The following METTL15 variants were observed in gnomAD, a reference collection of about 807,000 sequenced individuals.
The protein encoded by METTL15 is 12S rRNA N(4)-cytidine methyltransferase METTL15.
A neutral mutation model predicts 38.3 loss-of-function variants in METTL15; 34 were observed. The ratio of observed to expected loss-of-function variants is 0.89; its 90% CI spans 0.68 to 1.18. METTL15 has a LOEUF of 1.18. METTL15 is among the 50% of genes most tolerant of loss of function. METTL15 has a pLI of 0.00. For missense variants in METTL15, 438 were observed against 498.4 expected (o/e 0.88, Z 1.15); for synonymous variants, 162 against 170.9 (o/e 0.95, Z 0.41).
chr11:28,505,656 A>T (rs974461395), intron 6 of METTL15, among the ~76,000 whole-genome samples: 1 of 152,218 alleles, frequency 6.6e-6, no homozygotes, highest in Admixed American at 6.5e-5. Flanking sequence ...AATAAACTTG[A>T]TGAGGGTAGC....
At chr11:28,311,141 C>T (rs1247153983) in intron 6 of METTL15, among the ~76,000 whole-genome samples, 1 of 152,062 alleles carries the variant, frequency 6.6e-6, no homozygotes, top group Non-Finnish European at 1.5e-5. Flanking sequence ...AGGCTTTATA[C>T]AGTCAGAAAG....
intron 4 of METTL15, among the ~76,000 whole-genome samples, chr11:28,269,288 C>T (rs1202458440): frequency 4.0e-5 from 6 of 151,822 alleles, no homozygotes; most frequent in African/African-American, 1.5e-4. Context: ...GATTTCTCTC[C>T]CTCTTAGAAC....
At position 28,443,017 on chromosome 11, in the gene METTL15, T is replaced by G. The variant is rs998567422; in HGVS notation, c.*424+18653T>G. 2.0e-4 allele frequency among the ~76,000 whole-genome samples: 31 copies of G among 152,168 alleles called. 1 individual carries two copies. The highest frequency in any genetic ancestry group is 7.2e-4 in the African/African-American group (30 of 41,416). On this transcript the variant is annotated intron_variant and NMD_transcript_variant, in intron 6 of 7. Transcript: ENST00000532947. ...GATCTTAAGTGTAAAGTTTGATAAG[T>G]TTCTAAAAGTGTTCACAACTGTGTT...
intron 6 of METTL15, among the ~76,000 whole-genome samples, chr11:28,462,898 G>T (rs1267207922): frequency 6.6e-6 from 1 of 152,120 alleles, no homozygotes; most frequent in East Asian, 1.9e-4. Context: ...GAAGGGTTCT[G>T]TATGTAAGCT....
intron 5 of METTL15, among the ~76,000 whole-genome samples, chr11:28,379,610 CT>C (rs1850359758): frequency 6.6e-6 from 1 of 152,006 alleles, no homozygotes; most frequent in South Asian, 2.1e-4. Flanking sequence ...CTTCTTTGAA[CT>C]TGTTTTGAGG....
At chr11:28,452,073 G>A (rs1851127869) in intron 6 of METTL15, among the ~76,000 whole-genome samples, 1 of 152,174 alleles carries the variant, frequency 6.6e-6, no homozygotes, top group Admixed American at 6.5e-5. Flanking sequence ...GAAGTGTTTT[G>A]GGGGACCCTG....
chr11:28,271,567 T>G (rs1049263897), intron 4 of METTL15, among the ~76,000 whole-genome samples: 2 of 152,134 alleles, frequency 1.3e-5, no homozygotes, highest in African/African-American at 4.8e-5. Context: ...TCTTTTTATT[T>G]CCCACTGTCT....
At chr11:28,248,029 A>G (rs1854583246) in intron 4 of METTL15, among the ~76,000 whole-genome samples, 1 of 152,134 alleles carries the variant, frequency 6.6e-6, no homozygotes, top group African/African-American at 2.4e-5. Flanking sequence ...AGATAGCAAT[A>G]AGAGTATTTG....
chr11:28,377,134 T>C (rs2133381020), intron 5 of METTL15, among the ~76,000 whole-genome samples: 1 of 145,208 alleles, frequency 6.9e-6, no homozygotes, highest in South Asian at 2.3e-4. Flanking sequence ...GACAATTATG[T>C]TTCTTGGAGT....
At chr11:28,304,028 A>G (rs1449784011) in intron 6 of METTL15, among the ~76,000 whole-genome samples, 1 of 152,158 alleles carries the variant, frequency 6.6e-6, no homozygotes, top group Non-Finnish European at 1.5e-5. Context: ...AATAAATGAC[A>G]TTTATTATCT....
chr11:28,349,892 T>C (rs967521839), intron 3 of METTL15, among the ~76,000 whole-genome samples: 1 of 152,190 alleles, frequency 6.6e-6, no homozygotes, highest in African/African-American at 2.4e-5. Flanking sequence ...TTAACAATGA[T>C]GTAAGGAGTA....
chr11:28,427,282 C>G (rs1213987265), intron 6 of METTL15, among the ~76,000 whole-genome samples: 1 of 151,968 alleles, frequency 6.6e-6, no homozygotes, highest in East Asian at 1.9e-4. Context: ...TATTCTGTTC[C>G]CTTGGTCTAT....
Position 28,245,041 on chromosome 11 carries a change from A to C in METTL15, c.407+33843A>C, listed in dbSNP as rs1854452948. Among the ~76,000 whole-genome samples, 4 of 152,232 alleles carry C rather than the reference A, an allele frequency of 2.6e-5. No individual in the cohort carries two copies. The South Asian group carries it at 8.3e-4, about 31-fold the overall frequency. On this transcript the variant is annotated intron_variant, in intron 4 of 6. Coordinates refer to ENST00000407364, the MANE Select transcript of METTL15 (RefSeq NM_001113528.2). ...TGAAGATAGGCAGGTCTAGGACCTG[A>C]ACTGATGTTCAGCTAGACAGGCAAT...
At chr11:28,464,702 C>T (rs1851242771) in intron 6 of METTL15, among the ~76,000 whole-genome samples, 1 of 152,180 alleles carries the variant, frequency 6.6e-6, no homozygotes, top group South Asian at 2.1e-4. Context: ...TATCTACATT[C>T]TATGCTTCTA....
intron 6 of METTL15, among the ~76,000 whole-genome samples, chr11:28,443,074 C>T (rs1480426866): frequency 6.6e-6 from 1 of 152,142 alleles, no homozygotes; most frequent in Non-Finnish European, 1.5e-5. Context: ...TAGAACATTG[C>T]CATCACCCTG....
At chr11:28,348,680 TTATG>T (rs55889001) in intron 3 of METTL15, among the ~76,000 whole-genome samples, 72,445 of 145,736 alleles carry the variant, frequency 0.5, 19,373 homozygotes, top group Non-Finnish European at 0.6. Context: ...GTCTATCCAT[TTATG>T]TATGTATGTA....
At position 28,455,170 on chromosome 11, in the gene METTL15, C is replaced by G. The variant is rs145804362; in HGVS notation, c.*424+30806C>G. On this transcript the variant is annotated intron_variant and NMD_transcript_variant, in intron 6 of 7. Transcript: ENST00000532947. ...ACAAGAGTACTGGCAAGGTAATGGA[C>G]TCAACTGACTGTATATATAACTCAA... Among the ~76,000 whole-genome samples, 20 of 147,302 alleles carry G rather than the reference C, an allele frequency of 1.4e-4. 1 individual carries two copies. The highest frequency in any genetic ancestry group is 5.0e-4 in the African/African-American group (20 of 40,302).
At chr11:28,373,675 T>C (rs900761511) in intron 5 of METTL15, among the ~76,000 whole-genome samples, 1 of 152,192 alleles carries the variant, frequency 6.6e-6, no homozygotes, top group African/African-American at 2.4e-5. Context: ...TTGAATTAAA[T>C]CCCATTTGTC....
At chr11:28,389,756 A>G (rs1590357207) in intron 5 of METTL15, among the ~76,000 whole-genome samples, 1 of 151,668 alleles carries the variant, frequency 6.6e-6, no homozygotes, top group African/African-American at 2.4e-5. Flanking sequence ...CAGTAATGGG[A>G]TGGCTGGGTC....
Sources: gnomAD v4.1 joint callset for allele counts (sites outside exome capture counted in the v4.1 genomes callset) on GRCh38, gnomAD v4.1.1 for gene constraint, MANE v1.5 for transcripts, NCBI Gene and HGNC (gene_info 2026-07-23, HGNC 2026-07-21) for gene names.